The following SHISA9 variants were observed in gnomAD, a reference collection of about 807,000 sequenced individuals.
SHISA9 encodes shisa family member 9.
SHISA9 carries 13 observed loss-of-function variants against 38.0 expected under a neutral mutation model. The observed-to-expected ratio is 0.34, with a 90% CI of 0.22 to 0.54. SHISA9 has a LOEUF of 0.54. SHISA9 is among the 20% of genes least tolerant of loss of function. The pLI is 0.91. For synonymous variants in SHISA9, 275 were observed against 242.0 expected, an observed-to-expected ratio of 1.14 and a Z score of -1.27; for missense variants, 538 against 575.8, an observed-to-expected ratio of 0.93 and a Z score of 0.67.
At chr16:13,321,325 A>C in the SHISA9 span, among the ~76,000 whole-genome samples, 24 of 152,344 alleles carry the variant, frequency 1.6e-4, no homozygotes, top group Middle Eastern at 3.4e-3. Context: ...AGCCGGTGAC[A>C]AATAGCATGT....
chr16:13,087,617 A>G (rs1253402175), intron 2 of SHISA9, among the ~76,000 whole-genome samples: 1 of 152,136 alleles, frequency 6.6e-6, no homozygotes, highest in Non-Finnish European at 1.5e-5. Context: ...GGCTGCATAG[A>G]CGTCTTCTTT....
At chr16:13,210,341 T>A (rs778369066) in intron 3 of SHISA9, among the ~76,000 whole-genome samples, 34 of 152,168 alleles carry the variant, frequency 2.2e-4, no homozygotes, top group South Asian at 8.3e-4. Flanking sequence ...GCCCTTAAGA[T>A]GGCTCAATGC....
chr16:13,283,675 A>G, the SHISA9 span, among the ~76,000 whole-genome samples: 1 of 151,988 alleles, frequency 6.6e-6, no homozygotes, highest in Non-Finnish European at 1.5e-5. Flanking sequence ...GAGTTATGGA[A>G]ACTGCAATTC....
At chr16:12,978,305 G>C (rs1379158561) in intron 2 of SHISA9, among the ~76,000 whole-genome samples, 2 of 152,160 alleles carry the variant, frequency 1.3e-5, no homozygotes, top group Non-Finnish European at 2.9e-5. Context: ...CCCTGGGAAA[G>C]AATTTTCATA....
intron 2 of SHISA9, among the ~76,000 whole-genome samples, chr16:13,057,058 C>T (rs1396318287): frequency 2.0e-5 from 3 of 152,202 alleles, no homozygotes; most frequent in African/African-American, 7.2e-5. Flanking sequence ...AAAATACAAA[C>T]TGGAAGCTAA....
At chr16:13,376,506 T>C in the SHISA9 span, among the ~76,000 whole-genome samples, 1 of 152,200 alleles carries the variant, frequency 6.6e-6, no homozygotes, top group East Asian at 1.9e-4. Context: ...CTTTTACCTC[T>C]ATAACCAGAG....
intron 2 of SHISA9, among the ~76,000 whole-genome samples, chr16:12,977,430 C>A (rs2072178138): frequency 6.6e-6 from 1 of 152,032 alleles, no homozygotes; most frequent in Non-Finnish European, 1.5e-5. Flanking sequence ...GACCTAGAAC[C>A]AGAAATGCCA....
chr16:13,558,389 G>A, the SHISA9 span, among the ~76,000 whole-genome samples: 1 of 152,148 alleles, frequency 6.6e-6, no homozygotes, highest in Non-Finnish European at 1.5e-5. Flanking sequence ...GTCACTTCTT[G>A]TTATTTTCAG....
At chr16:13,221,409 T>G (rs1291996610) in intron 4 of SHISA9, among the ~76,000 whole-genome samples, 1 of 151,228 alleles carries the variant, frequency 6.6e-6, no homozygotes, top group African/African-American at 2.4e-5. Context: ...TTATACCATG[T>G]AGTTCAAAAG....
At chr16:13,174,266 C>A (rs1427550702) in intron 2 of SHISA9, among the ~76,000 whole-genome samples, 5 of 152,022 alleles carry the variant, frequency 3.3e-5, no homozygotes, top group African/African-American at 4.8e-5. Context: ...GTTTGTTTAC[C>A]CAACAAAAAC....
At chr16:13,315,143 A>T in the SHISA9 span, among the ~76,000 whole-genome samples, 2 of 152,170 alleles carry the variant, frequency 1.3e-5, no homozygotes, top group African/African-American at 4.8e-5. Flanking sequence ...AGTCCGGCAG[A>T]CCTGGCCACT....
intron 2 of SHISA9, among the ~76,000 whole-genome samples, chr16:13,183,097 G>A (rs1234246394): frequency 6.6e-6 from 1 of 152,186 alleles, no homozygotes; most frequent in Admixed American, 6.5e-5. Flanking sequence ...GAATTGCCTG[G>A]CATTTGATGA....
the SHISA9 span, among the ~76,000 whole-genome samples, chr16:13,446,220 C>T: frequency 1.3e-5 from 2 of 152,134 alleles, no homozygotes; most frequent in African/African-American, 2.4e-5. Context: ...GCTGGGATTA[C>T]AGGTGTGAGC....
the SHISA9 span, among the ~76,000 whole-genome samples, chr16:13,484,155 G>A: frequency 1.3e-5 from 2 of 152,234 alleles, no homozygotes; most frequent in Admixed American, 6.5e-5. Flanking sequence ...CCTGCTTGGC[G>A]TGTGGAGGAA....
the SHISA9 span, among the ~76,000 whole-genome samples, chr16:13,499,834 C>A: frequency 6.6e-6 from 1 of 152,122 alleles, no homozygotes; most frequent in Non-Finnish European, 1.5e-5. Flanking sequence ...ACCTTTTGTC[C>A]TTGCGCAGGG....
the SHISA9 span, among the ~76,000 whole-genome samples, chr16:13,270,897 C>G: frequency 6.6e-6 from 1 of 152,076 alleles, no homozygotes; most frequent in Non-Finnish European, 1.5e-5. Context: ...TTTGATAAGT[C>G]TCCCTTTAAG....
intron 2 of SHISA9, among the ~76,000 whole-genome samples, chr16:13,080,337 C>T (rs1000022184): frequency 6.6e-6 from 1 of 152,188 alleles, no homozygotes; most frequent in African/African-American, 2.4e-5. Flanking sequence ...TGCGCCACTG[C>T]ACTTCAGCCT....
the SHISA9 span, among the ~76,000 whole-genome samples, chr16:13,277,494 T>G: frequency 3.9e-5 from 6 of 152,162 alleles, no homozygotes; most frequent in African/African-American, 1.4e-4. Context: ...ATTGAATTTG[T>G]AGGTTGCATT....
intron 2 of SHISA9, among the ~76,000 whole-genome samples, chr16:12,992,492 A>C (rs1007982109): frequency 6.6e-6 from 1 of 152,060 alleles, no homozygotes; most frequent in Non-Finnish European, 1.5e-5. Context: ...AGGTTGTGCC[A>C]CTGGACTCCA....
Sources: allele counts gnomAD v4.1 joint callset (sites outside exome capture counted in the v4.1 genomes callset), GRCh38; gene constraint gnomAD v4.1.1; transcripts MANE v1.5; gene names NCBI Gene and HGNC (gene_info 2026-07-23, HGNC 2026-07-21).